The following CAMK1D variants were observed in gnomAD, a reference collection of about 807,000 sequenced individuals.
CAMK1D encodes calcium/calmodulin dependent protein kinase ID.
In CAMK1D, 9 loss-of-function variants were observed where a neutral mutation model predicts 47.7. The observed-to-expected ratio is 0.19, with a 90% CI of 0.11 to 0.33. CAMK1D has a LOEUF of 0.33. CAMK1D is among the 10% of genes least tolerant of loss of function. CAMK1D has a pLI of 1.00. For missense variants in CAMK1D, 291 were observed against 488.7 expected (o/e 0.60, Z 3.81); for synonymous variants, 184 against 184.9 (o/e 0.99, Z 0.04).
intron 3 of CAMK1D, among the ~76,000 whole-genome samples, chr10:12,682,351 T>C (rs1401286805): frequency 6.6e-6 from 1 of 152,218 alleles, no homozygotes; most frequent in African/African-American, 2.4e-5. Flanking sequence ...GGAAAGAGAT[T>C]GAAAAGGCTG....
At chr10:12,795,827 C>T (rs183130131) in intron 6 of CAMK1D, among the ~76,000 whole-genome samples, 1 of 152,324 alleles carries the variant, frequency 6.6e-6, no homozygotes, top group East Asian at 1.9e-4. Context: ...GAGTTCTTAT[C>T]CTGCCAGGAA....
chr10:12,592,383 A>G (rs953601286), intron 2 of CAMK1D, among the ~76,000 whole-genome samples: 1 of 152,218 alleles, frequency 6.6e-6, no homozygotes, highest in Non-Finnish European at 1.5e-5. Context: ...TTTGCCAGCC[A>G]AGAGTATTTT....
At chr10:12,393,872 G>C (rs1433347368) in intron 1 of CAMK1D, among the ~76,000 whole-genome samples, 1 of 152,178 alleles carries the variant, frequency 6.6e-6, no homozygotes, top group Admixed American at 6.5e-5. Flanking sequence ...ACACGTGTGT[G>C]GGTTTTTCCT....
intron 1 of CAMK1D, among the ~76,000 whole-genome samples, chr10:12,528,608 C>T (rs191728252): frequency 1.3e-5 from 2 of 152,252 alleles, no homozygotes; most frequent in Non-Finnish European, 2.9e-5. Context: ...TCTAAGCCCA[C>T]CTCCTGATTT....
At chr10:12,466,408 A>G (rs562057995) in intron 1 of CAMK1D, among the ~76,000 whole-genome samples, 1 of 151,858 alleles carries the variant, frequency 6.6e-6, no homozygotes, top group Admixed American at 6.6e-5. Context: ...ATTCTGTCTC[A>G]AAACAAACAA....
chr10:12,757,791 A>C (rs972078258), intron 3 of CAMK1D, among the ~76,000 whole-genome samples: 1 of 151,020 alleles, frequency 6.6e-6, no homozygotes, highest in South Asian at 2.1e-4. Flanking sequence ...CACATGGTAA[A>C]GAGAGAGTTC....
At chr10:12,459,068 G>A (rs574877273) in intron 1 of CAMK1D, among the ~76,000 whole-genome samples, 22 of 151,818 alleles carry the variant, frequency 1.4e-4, no homozygotes, top group African/African-American at 3.4e-4. Context: ...TAGTAGAGAC[G>A]GGGTTTTGCC....
intron 3 of CAMK1D, among the ~76,000 whole-genome samples, chr10:12,695,055 G>GGTAGATAC (rs1833217695): frequency 1.3e-4 from 5 of 37,588 alleles, no homozygotes; most frequent in Non-Finnish European, 3.2e-4. Flanking sequence ...TAGATAGATA[G>GGTAGATAC]ATAGATAGAT....
chr10:12,608,863 A>G (rs116429320), intron 2 of CAMK1D, among the ~76,000 whole-genome samples: 78 of 152,374 alleles, frequency 5.1e-4, no homozygotes, highest in African/African-American at 1.8e-3. Flanking sequence ...AACGTGGGCA[A>G]GTTATTTCAG....
intron 2 of CAMK1D, among the ~76,000 whole-genome samples, chr10:12,648,355 T>G (rs1315108346): frequency 1.3e-5 from 2 of 152,216 alleles, no homozygotes; most frequent in South Asian, 2.1e-4. Context: ...TCAGTAGGAC[T>G]GGGTAAGAGC....
At chr10:12,547,648 C>G (rs989248828) in intron 1 of CAMK1D, among the ~76,000 whole-genome samples, 1 of 101,024 alleles carries the variant, frequency 9.9e-6, no homozygotes, top group Non-Finnish European at 2.0e-5. Context: ...CACCCCCCCC[C>G]CAACCCTGCA....
chr10:12,550,441 G>T (rs1430656136), intron 1 of CAMK1D, among the ~76,000 whole-genome samples: 1 of 152,138 alleles, frequency 6.6e-6, no homozygotes, highest in Non-Finnish European at 1.5e-5. Flanking sequence ...GAACTCTGAG[G>T]TGCAGCCACC....
intron 1 of CAMK1D, among the ~76,000 whole-genome samples, chr10:12,537,292 G>A (rs1836006045): frequency 6.6e-6 from 1 of 152,158 alleles, no homozygotes; most frequent in Non-Finnish European, 1.5e-5. Flanking sequence ...GGCTGGTCTC[G>A]AACTCCTGAC....
chr10:12,605,035 C>T (rs1180585893), intron 2 of CAMK1D, among the ~76,000 whole-genome samples: 4 of 152,038 alleles, frequency 2.6e-5, no homozygotes, highest in Non-Finnish European at 1.5e-5. Context: ...CTACAGGCAC[C>T]TGCCACCACT....
chr10:12,657,078 A>C (rs76773672), intron 2 of CAMK1D, among the ~76,000 whole-genome samples: 1,556 of 152,276 alleles, frequency 0.01, 27 homozygotes, highest in African/African-American at 0.035. Context: ...TTTTATGGAT[A>C]TATTTTGGTA....
At chr10:12,678,199 G>A (rs1473883505) in intron 3 of CAMK1D, among the ~76,000 whole-genome samples, 1 of 152,082 alleles carries the variant, frequency 6.6e-6, no homozygotes, top group African/African-American at 2.4e-5. Context: ...TTGGTATGTT[G>A]TGTTTTTATT....
intron 1 of CAMK1D, among the ~76,000 whole-genome samples, chr10:12,489,324 C>CATGT (rs1018348884): frequency 2.0e-5 from 3 of 152,102 alleles, no homozygotes; most frequent in Non-Finnish European, 4.4e-5. Flanking sequence ...GGCCTGAGAA[C>CATGT]ATGTGCTTAG....
intron 10 of CAMK1D, among the ~76,000 whole-genome samples, chr10:12,827,063 G>A (rs1833236874): frequency 6.6e-6 from 1 of 152,096 alleles, no homozygotes; most frequent in African/African-American, 2.4e-5. Context: ...ACTAGGCCAG[G>A]GACTGCTGAG....
At chr10:12,573,304 C>T (rs1038271101) in intron 2 of CAMK1D, among the ~76,000 whole-genome samples, 3 of 152,068 alleles carry the variant, frequency 2.0e-5, no homozygotes, top group Non-Finnish European at 4.4e-5. Flanking sequence ...AGATGTGGAG[C>T]GGGAAGGAGA....
Sources: allele counts gnomAD v4.1 joint callset (sites outside exome capture counted in the v4.1 genomes callset), GRCh38; gene constraint gnomAD v4.1.1; transcripts MANE v1.5; gene names NCBI Gene and HGNC (gene_info 2026-07-23, HGNC 2026-07-21).